Variants in NAV2 observed in about 807,000 individuals in gnomAD.
NAV2 encodes the protein helicase, APC down-regulated 1.
NAV2 carries 54 observed loss-of-function variants against 223.2 expected under a neutral mutation model. The observed-to-expected ratio is 0.24, with a 90% CI of 0.19 to 0.30. NAV2 has a LOEUF of 0.30. NAV2 is among the 10% of genes least tolerant of loss of function. The pLI is 1.00. For synonymous variants in NAV2, 1,279 were observed against 1,239.3 expected, an observed-to-expected ratio of 1.03 and a Z score of -0.67; for missense variants, 2,806 against 3,147.5, an observed-to-expected ratio of 0.89 and a Z score of 2.60.
intron 1 of NAV2, among the ~76,000 whole-genome samples, chr11:19,737,313 C>T (rs184481519): frequency 3.3e-5 from 5 of 152,248 alleles, no homozygotes; most frequent in South Asian, 2.1e-4. Context: ...TATTATACAC[C>T]GTCTATATAC....
chr11:19,683,350 T>C (rs1400632511), intron 1 of NAV2, among the ~76,000 whole-genome samples: 2 of 152,186 alleles, frequency 1.3e-5, no homozygotes, highest in Non-Finnish European at 2.9e-5. Context: ...GCGGGGTCAG[T>C]GATGTGTTTT....
chr11:19,716,134 T>G (rs375964729), intron 1 of NAV2, among the ~76,000 whole-genome samples: 11 of 152,286 alleles, frequency 7.2e-5, no homozygotes, highest in Admixed American at 6.5e-4. Context: ...GGTCCCAAAT[T>G]TGGTATATAT....
chr11:19,916,112 A>T (rs1451367308), intron 6 of NAV2, among the ~76,000 whole-genome samples: 1 of 152,232 alleles, frequency 6.6e-6, no homozygotes, highest in African/African-American at 2.4e-5. Flanking sequence ...TTTACACAGT[A>T]TATACTTAAT....
intron 1 of NAV2, among the ~76,000 whole-genome samples, chr11:19,598,868 C>T (rs1022649111): frequency 1.4e-5 from 2 of 139,852 alleles, no homozygotes; most frequent in African/African-American, 3.4e-5. Flanking sequence ...CTGCATAATA[C>T]GTTCTTTTAT....
At chr11:19,791,355 G>A (rs1590556821) in intron 1 of NAV2, among the ~76,000 whole-genome samples, 3 of 152,106 alleles carry the variant, frequency 2.0e-5, no homozygotes, top group Non-Finnish European at 4.4e-5. Context: ...CCCGCCCCTT[G>A]TACTGCACCC....
In NAV2 at chr11:19,713,668, G is replaced by A. The variant is rs770382100; in HGVS notation, c.-28G>A. On this transcript the variant is annotated 5_prime_UTR_variant, in exon 1 of 38. Transcript: ENST00000349880. The surrounding 1 kb of genome is among the most constrained non-coding windows in gnomAD (Gnocchi z 7.2). The stretch of plus-strand genomic sequence containing the variant: ...CCCCCGCCGCCGCTGCCAGGGACGT[G>A]CTGGGAAAGCCCAAGCCCCGGGAGA... The A allele has an allele frequency of 6.6e-7, 1 of 1,517,488 alleles. No homozygotes were observed. Among genetic ancestry groups the A allele is most frequent in the Non-Finnish European group, 8.8e-7 (1 of 1,131,546 alleles). The allele number at this position is 1,517,488 out of a possible 1,614,324, so 94.0% of individuals were successfully genotyped here.
chr11:20,030,667 A>C (rs904922942), intron 11 of NAV2, among the ~76,000 whole-genome samples: 5 of 152,228 alleles, frequency 3.3e-5, no homozygotes, highest in African/African-American at 4.8e-5. Flanking sequence ...TAGATTTACC[A>C]GCCAAACAAG....
chr11:19,768,575 C>T (rs748694465), intron 1 of NAV2, among the ~76,000 whole-genome samples: 1 of 152,098 alleles, frequency 6.6e-6, no homozygotes, highest in African/African-American at 2.4e-5. Context: ...CACTTGTTCT[C>T]AAATATCCAA....
chr11:19,452,299 A>T (rs1304957974), intron 1 of NAV2, among the ~76,000 whole-genome samples: 1 of 152,234 alleles, frequency 6.6e-6, no homozygotes, highest in African/African-American at 2.4e-5. Context: ...GCCATGTGCC[A>T]GGTATCATGT....
chr11:19,508,148 C>G (rs905456241), intron 1 of NAV2, among the ~76,000 whole-genome samples: 1 of 152,060 alleles, frequency 6.6e-6, no homozygotes, highest in South Asian at 2.1e-4. Context: ...CTGATGGGGG[C>G]TGCTCTGTGG....
intron 1 of NAV2, among the ~76,000 whole-genome samples, chr11:19,501,114 C>T (rs1029518369): frequency 6.6e-6 from 1 of 152,154 alleles, no homozygotes; most frequent in Non-Finnish European, 1.5e-5. Context: ...CCTTGCCTCT[C>T]TCTGAACATT....
intron 3 of NAV2, among the ~76,000 whole-genome samples, chr11:19,847,174 G>A (rs942320036): frequency 3.3e-5 from 5 of 152,214 alleles, no homozygotes; most frequent in African/African-American, 7.2e-5. Context: ...GTGCTGGGGC[G>A]GCCCTGCTTC....
intron 1 of NAV2, among the ~76,000 whole-genome samples, chr11:19,444,712 T>TTTA (rs35440777): frequency 2.0e-5 from 3 of 149,812 alleles, no homozygotes; most frequent in African/African-American, 4.9e-5. Context: ...CTGTTGTTCC[T>TTTA]TTATTATTAT....
In NAV2 at chr11:19,699,309, A is replaced by G. The variant is rs866121406; in HGVS notation, c.76-133175A>G. Among the ~76,000 whole-genome samples, 5 of 152,340 alleles carry G rather than the reference A, an allele frequency of 3.3e-5. No individual in the cohort carries two copies. In the Middle Eastern group the frequency reaches 0.01, roughly 311 times the overall value. On this transcript the variant is annotated intron_variant, in intron 1 of 37. Coordinates refer to the NAV2 transcript ENST00000360655. ...AAAAGAGGGGAAAATATTACTTCCA[A>G]GCATTGTTTGAAGCAATTAAATGGG...
At chr11:19,835,710 T>G (rs537352307) in intron 2 of NAV2, among the ~76,000 whole-genome samples, 12 of 151,594 alleles carry the variant, frequency 7.9e-5, no homozygotes, top group Non-Finnish European at 1.8e-4. Flanking sequence ...TATCCATATA[T>G]CTATATATAC....
At chr11:19,454,769 A>G (rs1014713414) in intron 1 of NAV2, among the ~76,000 whole-genome samples, 4 of 152,236 alleles carry the variant, frequency 2.6e-5, no homozygotes, top group African/African-American at 9.6e-5. Context: ...TTCTAAGGAA[A>G]GGGCAATTGA....
In NAV2 at chr11:20,051,137, A is replaced by G. The variant is rs536418277; in HGVS notation, c.4437-152A>G. The G allele has an allele frequency of 1.3e-4, 88 of 651,968 alleles. 1 individual carries two copies. In the East Asian group the frequency reaches 2.3e-3, roughly 17 times the overall value. The allele number at this position is 651,968 out of a possible 1,614,324, so 40.4% of individuals were successfully genotyped here. A position where few individuals can be genotyped will look rare whatever the true frequency, so the allele number is the denominator to read the frequency against. ...TTTCTTTTGTTTTCCACGGATGTGG[A>G]TGTGTTGCATTGCACGCCTAGCTGG... On this transcript the variant is annotated intron_variant, in intron 16 of 37. Coordinates refer to ENST00000349880, the MANE Select transcript of NAV2 (RefSeq NM_145117.5).
At chr11:19,641,109 GC>G (rs1168559076) in intron 1 of NAV2, among the ~76,000 whole-genome samples, 1 of 152,174 alleles carries the variant, frequency 6.6e-6, no homozygotes, top group African/African-American at 2.4e-5. Flanking sequence ...GGGCAGACAG[GC>G]CCCTGTGGTA....
At chr11:20,084,478 C>G (rs2060290828) in intron 26 of NAV2, among the ~76,000 whole-genome samples, 1 of 152,150 alleles carries the variant, frequency 6.6e-6, no homozygotes, top group Non-Finnish European at 1.5e-5. Context: ...GTTAGATGAT[C>G]AATTCCTCTT....
Sources: gnomAD v4.1 joint callset for allele counts (sites outside exome capture counted in the v4.1 genomes callset) on GRCh38, gnomAD v4.1.1 for gene constraint, Gnocchi (gnomAD v3.1) non-coding constraint, MANE v1.5 for transcripts, NCBI Gene and HGNC (gene_info 2026-07-23, HGNC 2026-07-21) for gene names.